ZBTB26: variants seen among roughly 807,000 people sequenced by gnomAD.
ZBTB26 encodes zinc finger and BTB domain-containing protein 26.
A neutral mutation model predicts 31.6 loss-of-function variants in ZBTB26; 12 were observed. The ratio of observed to expected loss-of-function variants is 0.38; its 90% CI spans 0.24 to 0.61. The LOEUF is 0.61. Among genes scored for constraint, ZBTB26 ranks in the 20% least tolerant of loss-of-function variants. The probability of loss-of-function intolerance (pLI) is 0.60; values close to 1 mark genes in which losing one functional copy is unlikely to be tolerated. For synonymous variants in ZBTB26, 155 were observed against 182.9 expected (o/e 0.85, Z 1.23); for missense variants, 311 against 521.9 (o/e 0.60, Z 3.94).
rs1204075640 is a variant in ZBTB26 at position 122,919,851 on chromosome 9, T to G, written c.84A>C (p.Glu28Asp). The change falls in exon 2 of 2, where the codon GAA (glutamate) becomes GAC (aspartate). Residue 28 changes from glutamate (E) to aspartate (D), a missense_variant. Coordinates refer to ENST00000373656, the MANE Select transcript of ZBTB26 (RefSeq NM_020924.4). The surrounding 1 kb of genome is among the most constrained non-coding windows in gnomAD (Gnocchi z 6.1). ...SMLQKMNKLR[E>D]ENKFCDVTVL... Reference sequence around the variant, plus strand: ...CTGTAACATCACAAAATTTATTCTCTTCTCTTAATTTGTTCATTTTTTGTA... The same window carrying G: ...CTGTAACATCACAAAATTTATTCTCGTCTCTTAATTTGTTCATTTTTTGTA... 6.2e-7 allele frequency: 1 copy of G among 1,613,128 alleles called. No homozygotes were observed. The highest frequency in any genetic ancestry group is 2.2e-5 in the East Asian group (1 of 44,868).
intron 1 of ZBTB26, among the ~76,000 whole-genome samples, chr9:122,921,124 C>T (rs1376010675): frequency 6.6e-6 from 1 of 152,222 alleles, no homozygotes; most frequent in Non-Finnish European, 1.5e-5. Context: ...AAACTGTCTG[C>T]ATACTGATTC....
chr9:122,917,568 G>A lies in ZBTB26; in HGVS notation c.*1041C>T, dbSNP rs901397424. The stretch of plus-strand genomic sequence containing the variant: ...TACCTTTAAGAGGTATCTGAATACA[G>A]AAATTTGATTGCCCCTTCTGTGTCC... On this transcript the variant is annotated 3_prime_UTR_variant, in exon 2 of 2. Coordinates refer to ENST00000373656, the MANE Select transcript of ZBTB26 (RefSeq NM_020924.4). 6.6e-6 allele frequency: 1 copy of A among 152,200 alleles called. No homozygotes were observed. The highest frequency in any genetic ancestry group is 2.4e-5 in the African/African-American group (1 of 41,452). The allele number at this position is 152,200 out of a possible 1,614,324, so 9.4% of individuals were successfully genotyped here. A position where few individuals can be genotyped will look rare whatever the true frequency, so the allele number is the denominator to read the frequency against.
rs907149561 is a variant in ZBTB26 at position 122,917,009 on chromosome 9, G to A, written c.*1600C>T. ...TTTAGATTCTTCTCACATTATTCTT[G>A]CTTTTTCCCTCCCTAAACAAACCTA... On this transcript the variant is annotated 3_prime_UTR_variant, in exon 2 of 2. Transcript: ENST00000373656. The A allele has an allele frequency of 6.6e-6, 1 of 152,114 alleles. No homozygotes were observed. Among genetic ancestry groups the A allele is most frequent in the Non-Finnish European group, 1.5e-5 (1 of 68,002 alleles). The allele number at this position is 152,114 out of a possible 1,614,324, so 9.4% of individuals were successfully genotyped here.
chr9:122,917,164 G>A lies in ZBTB26; in HGVS notation c.*1445C>T, dbSNP rs1019852624. On this transcript the variant is annotated 3_prime_UTR_variant, in exon 2 of 2. Transcript: ENST00000373656. ...AGAAAGCCAACAGGGAGACACAAAG[G>A]GGAAACACAAACTAGGAGCTTTTTG... 5 of 152,116 alleles carry A rather than the reference G, an allele frequency of 3.3e-5. No homozygotes were observed. The highest frequency in any genetic ancestry group is 1.2e-4 in the African/African-American group (5 of 41,412). 9.4% of individuals were successfully genotyped at this position (152,116 alleles called of 1,614,324 possible). A position where few individuals can be genotyped will look rare whatever the true frequency, so the allele number is the denominator to read the frequency against.
intron 1 of ZBTB26, among the ~76,000 whole-genome samples, chr9:122,926,305 G>C (rs1457715283): frequency 6.6e-6 from 1 of 151,882 alleles, no homozygotes; most frequent in Admixed American, 6.6e-5. Flanking sequence ...ATGAGGTCAG[G>C]AGATCGAGAC....
intron 1 of ZBTB26, among the ~76,000 whole-genome samples, chr9:122,921,694 G>A (rs1833102881): frequency 6.6e-6 from 1 of 152,200 alleles, no homozygotes; most frequent in South Asian, 2.1e-4. Flanking sequence ...CACTTCTGGA[G>A]GCCAAGGCAG....
chr9:122,919,920 T>C lies in ZBTB26; in HGVS notation c.15A>G (p.Ser5=), dbSNP rs147339701. MSER[S]DLLHFKFENY... is the part of the protein sequence containing the mutation. ...TTTCAAACTTGAAGTGAAGGAGATCTGATCTTTCAGACATTTTGGCAGACC... is the reference window on the plus strand; with the variant it reads ...TTTCAAACTTGAAGTGAAGGAGATCCGATCTTTCAGACATTTTGGCAGACC... Residue 5 remains serine (S), a synonymous_variant, in exon 2 of 2, where the codon TCA becomes TCG. Transcript: ENST00000373656. The surrounding 1 kb of genome is among the most constrained non-coding windows in gnomAD (Gnocchi z 6.1). The C allele has an allele frequency of 4.4e-5, 70 of 1,584,306 alleles. No individual in the cohort carries two copies. The highest frequency in any genetic ancestry group is 2.0e-4 in the Middle Eastern group (1 of 4,906).
At position 122,918,763 on chromosome 9, in the gene ZBTB26, T is replaced by C; in HGVS notation, c.1172A>G (p.Gln391Arg). The change falls in exon 2 of 2, where the codon CAA becomes CGA. Residue 391 changes from glutamine (Q) to arginine (R), a missense_variant. This residue lies in a region of ZBTB26 where 49 missense variants were observed against 66.0 expected (regional missense o/e 0.74). Coordinates refer to ENST00000373656, the MANE Select transcript of ZBTB26 (RefSeq NM_020924.4). ...AGAATCAAAATCCACTGTGAGGTCT[T>C]GTACATTTCTCTCATTGGCATTATC... is the stretch of plus-strand genomic sequence containing the variant. ...SFDNANERNVQDLTVDFDSFA... is the reference protein window; with the variant it reads ...SFDNANERNVRDLTVDFDSFA... 6.2e-7 allele frequency: 1 copy of C among 1,614,210 alleles called. No homozygotes were observed. The highest frequency in any genetic ancestry group is 8.5e-7 in the Non-Finnish European group (1 of 1,180,024).
chr9:122,915,964 T>C lies in ZBTB26; in HGVS notation c.*2645A>G, dbSNP rs1833012787. On this transcript the variant is annotated 3_prime_UTR_variant, in exon 2 of 2. Transcript: ENST00000373656. ...AAAATCTTCCTCCTCTACAGAAATA[T>C]GACTAGTTTTGAAAGTCATCTTCCT... 1 of 152,218 alleles carries C rather than the reference T, an allele frequency of 6.6e-6. No homozygotes were observed. 9.4% of individuals were successfully genotyped at this position (152,218 alleles called of 1,614,324 possible). A position where few individuals can be genotyped will look rare whatever the true frequency, so the allele number is the denominator to read the frequency against.
Position 122,919,340 on chromosome 9 carries a change from C to A in ZBTB26, c.595G>T (p.Asp199Tyr). 1.9e-6 allele frequency: 3 copies of A among 1,614,152 alleles called. No individual in the cohort carries two copies. Among genetic ancestry groups the A allele is most frequent in the Non-Finnish European group, 2.5e-6 (3 of 1,180,016 alleles). The change falls in exon 2 of 2, where the codon GAT (aspartate) becomes TAT (tyrosine). Residue 199 changes from aspartate (D) to tyrosine (Y), a missense_variant. Physicochemically the swap from Asp to Tyr is radical, Grantham distance 160. Coordinates refer to ENST00000373656, the MANE Select transcript of ZBTB26 (RefSeq NM_020924.4). This position sits in a 1 kb window ranked among gnomAD's most constrained non-coding sequence, Gnocchi z 6.1. ...TCAGAAGAAATAAACTGGTTCTGATCTTTTTTACTTCTAACCTCTGATACA... is the reference window on the plus strand; with the variant it reads ...TCAGAAGAAATAAACTGGTTCTGATATTTTTTACTTCTAACCTCTGATACA... Reference protein sequence around the residue: ...GDVSEVRSKKDQNQFISSEPT... With the variant: ...GDVSEVRSKKYQNQFISSEPT...
chr9:122,924,871 A>G (rs1833154043), intron 1 of ZBTB26, among the ~76,000 whole-genome samples: 1 of 152,056 alleles, frequency 6.6e-6, no homozygotes, highest in African/African-American at 2.4e-5. Context: ...ATCTCGCTGT[A>G]ACCTAAAACT....
rs1398577928 is a variant in ZBTB26 at position 122,917,343 on chromosome 9, TG to T, written c.*1265del. On this transcript the variant is annotated 3_prime_UTR_variant, in exon 2 of 2. Transcript: ENST00000373656. ...ATACCCCAATTTAAAATGAAAGAGG[TG>T]GAGTAAATGACCTCTTAAGATTCTC... The T allele has an allele frequency of 6.6e-6, 1 of 152,134 alleles. No individual in the cohort carries two copies. Among genetic ancestry groups the T allele is most frequent in the African/African-American group, 2.4e-5 (1 of 41,416 alleles). 9.4% of individuals were successfully genotyped at this position (152,134 alleles called of 1,614,324 possible). A position where few individuals can be genotyped will look rare whatever the true frequency, so the allele number is the denominator to read the frequency against.
rs1032750284 is a variant in ZBTB26 at position 122,915,607 on chromosome 9, A to C, written c.*3002T>G. ...TTATTAAGGAAACTTCCCCATAATA[A>C]GTGAAGAGGTAGTTCATAGTATGTC... is the stretch of plus-strand genomic sequence containing the variant. On this transcript the variant is annotated 3_prime_UTR_variant, in exon 2 of 2. Coordinates refer to ENST00000373656, the MANE Select transcript of ZBTB26 (RefSeq NM_020924.4). The C allele has an allele frequency of 7.2e-5, 11 of 152,254 alleles. No individual in the cohort carries two copies. Among genetic ancestry groups the C allele is most frequent in the Non-Finnish European group, 1.3e-4 (9 of 68,052 alleles). The allele number at this position is 152,254 out of a possible 1,614,324, so 9.4% of individuals were successfully genotyped here. A position where few individuals can be genotyped will look rare whatever the true frequency, so the allele number is the denominator to read the frequency against.
At chr9:122,928,615 C>T (rs777081720) in intron 1 of ZBTB26, among the ~76,000 whole-genome samples, 50 of 152,068 alleles carry the variant, frequency 3.3e-4, no homozygotes, top group Non-Finnish European at 6.0e-4. Context: ...GCTAAGTCTC[C>T]AATTTTTTGC....
At chr9:122,928,464 C>T (rs1159074002) in intron 1 of ZBTB26, among the ~76,000 whole-genome samples, 6 of 152,100 alleles carry the variant, frequency 3.9e-5, no homozygotes, top group Non-Finnish European at 8.8e-5. Flanking sequence ...TGAGACACCA[C>T]GCCCGGCCTA....
At position 122,919,841 on chromosome 9, in the gene ZBTB26, A is replaced by G; in HGVS notation, c.94T>C (p.Phe32Leu). The change falls in exon 2 of 2, where the codon TTT becomes CTT. Residue 32 changes from phenylalanine (F) to leucine (L), a missense_variant. Phe to Leu is a conservative substitution (Grantham distance 22, BLOSUM62 0). Around this residue, in one of 5 missense-constraint regions of ZBTB26, gnomAD observed 25 missense variants for 32.3 expected, o/e 0.77. Coordinates refer to ENST00000373656, the MANE Select transcript of ZBTB26 (RefSeq NM_020924.4). This position sits in a 1 kb window ranked among gnomAD's most constrained non-coding sequence, Gnocchi z 6.1. ...TCTATGAGAACTGTAACATCACAAA[A>G]TTTATTCTCTTCTCTTAATTTGTTC... ...KMNKLREENK[F>L]CDVTVLIDDI... 1 of 1,613,662 alleles carries G rather than the reference A, an allele frequency of 6.2e-7. No homozygotes were observed. Among genetic ancestry groups the G allele is most frequent in the African/African-American group, 1.3e-5 (1 of 75,014 alleles).
intron 1 of ZBTB26, among the ~76,000 whole-genome samples, chr9:122,924,204 G>T (rs1231593999): frequency 6.6e-6 from 1 of 152,208 alleles, no homozygotes; most frequent in Non-Finnish European, 1.5e-5. Flanking sequence ...ATAGTTCAGG[G>T]AAGTGTTTGC....
Position 122,923,807 on chromosome 9 carries a change from T to C in ZBTB26, c.-10-3863A>G, listed in dbSNP as rs1382774914. Among the ~76,000 whole-genome samples, 3 of 152,240 alleles carry C rather than the reference T, an allele frequency of 2.0e-5. No individual in the cohort carries two copies. In the East Asian group the frequency reaches 5.8e-4, roughly 29 times the overall value. ...TGAAGAGCTGGAGTGTAGTTTCATT[T>C]AGTCATGTGTCATATGACAGTGTTT... On this transcript the variant is annotated intron_variant, in intron 1 of 1. Coordinates refer to ENST00000373656, the MANE Select transcript of ZBTB26 (RefSeq NM_020924.4).
chr9:122,927,179 T>C (rs1472186296), intron 1 of ZBTB26, among the ~76,000 whole-genome samples: 1 of 152,214 alleles, frequency 6.6e-6, no homozygotes, highest in Admixed American at 6.5e-5. Context: ...GAGTTTCTAT[T>C]AGCAAGTTTT....
Sources: allele counts gnomAD v4.1 joint callset (sites outside exome capture counted in the v4.1 genomes callset), GRCh38; gene constraint gnomAD v4.1.1; regional missense constraint gnomAD v4.1.1; non-coding constraint Gnocchi (gnomAD v3.1); transcripts MANE v1.5; gene names NCBI Gene and HGNC (gene_info 2026-07-23, HGNC 2026-07-21).